The following POU6F2 variants were observed in gnomAD, a reference collection of about 807,000 sequenced individuals.
The protein encoded by POU6F2 is POU domain, class 6, transcription factor 2.
In POU6F2, 31 loss-of-function variants were observed where a neutral mutation model predicts 71.3. The observed-to-expected ratio is 0.43, with a 90% CI of 0.33 to 0.59. The LOEUF is 0.59. Among genes scored for constraint, POU6F2 ranks in the 20% least tolerant of loss-of-function variants. The probability of loss-of-function intolerance (pLI) is 0.04; values close to 1 mark genes in which losing one functional copy is unlikely to be tolerated. For synonymous variants in POU6F2, 347 were observed against 355.7 expected (o/e 0.98, Z 0.27); for missense variants, 783 against 856.8 (o/e 0.91, Z 1.07).
In POU6F2 at chr7:39,265,837, G is replaced by A. The variant is rs540156588; in HGVS notation, c.598+58217G>A. Reference sequence around the variant, plus strand: ...GTGATCTCCAGTGAATTAATAGAGCGGTGTGCAGACGACTCACTATGAGTC... The same window carrying A: ...GTGATCTCCAGTGAATTAATAGAGCAGTGTGCAGACGACTCACTATGAGTC... On this transcript the variant is annotated intron_variant, in intron 4 of 9. Transcript: ENST00000518318. 9.9e-5 allele frequency among the ~76,000 whole-genome samples: 15 copies of A among 152,256 alleles called. No homozygotes were observed. In the South Asian group the frequency reaches 1.7e-3, roughly 17 times the overall value.
chr7:39,361,387 G>C (rs1786385445), intron 5 of POU6F2, among the ~76,000 whole-genome samples: 1 of 152,304 alleles, frequency 6.6e-6, no homozygotes, highest in East Asian at 1.9e-4. Context: ...TTAACCTTCA[G>C]AAACACTAGA....
At chr7:39,098,467 G>C (rs536079794) in intron 2 of POU6F2, among the ~76,000 whole-genome samples, 19 of 130,464 alleles carry the variant, frequency 1.5e-4, no homozygotes, top group African/African-American at 5.7e-4. Context: ...TTGCAAGAGA[G>C]GGGGGGTCTC....
In POU6F2 at chr7:39,358,978, C is replaced by G. The variant is rs569507971; in HGVS notation, c.972+18963C>G. The stretch of plus-strand genomic sequence containing the variant: ...AAAAGTTAAAATGTCTTCTTGGCAG[C>G]ATGTTAAACACAGGCCAAAACCTTA... On this transcript the variant is annotated intron_variant, in intron 5 of 9. Transcript: ENST00000518318. Among the ~76,000 whole-genome samples the G allele has an allele frequency of 3.3e-5, 5 of 151,974 alleles. No homozygotes were observed. The South Asian group carries it at 1.0e-3, about 32-fold the overall frequency.
intron 4 of POU6F2, among the ~76,000 whole-genome samples, chr7:39,258,572 A>G (rs544752433): frequency 7.1e-4 from 108 of 152,268 alleles, no homozygotes; most frequent in African/African-American, 2.3e-3. Context: ...TGGTAACACA[A>G]TTGTTGGTTG....
At chr7:39,321,690 T>G (rs762928550) in intron 4 of POU6F2, among the ~76,000 whole-genome samples, 4 of 152,130 alleles carry the variant, frequency 2.6e-5, no homozygotes, top group Non-Finnish European at 5.9e-5. Flanking sequence ...CAGTTGAAGT[T>G]ATGTTTATAA....
intron 1 of POU6F2, among the ~76,000 whole-genome samples, chr7:39,057,496 G>T (rs909617576): frequency 1.3e-5 from 2 of 151,796 alleles, no homozygotes; most frequent in Non-Finnish European, 2.9e-5. Flanking sequence ...TTAAATCGTT[G>T]TATGTCTAGT....
rs113052544 is a variant in POU6F2, at chr7:39,333,255, T to C, written c.599-6387T>C. 7.9e-3 allele frequency among the ~76,000 whole-genome samples: 1,206 copies of C among 152,296 alleles called. 15 individuals carry two copies. Among genetic ancestry groups the C allele is most frequent in the Non-Finnish European group, 0.013 (898 of 68,018 alleles). The stretch of plus-strand genomic sequence containing the variant: ...AATATTAGGTCTCAGACTTAACCTG[T>C]CCTAAAACATTCCAGTAAGTGTGCC... On this transcript the variant is annotated intron_variant, in intron 4 of 9. Coordinates refer to ENST00000518318, the MANE Select transcript of POU6F2 (RefSeq NM_001370959.1).
At chr7:39,055,567 T>G (rs1790489000) in intron 1 of POU6F2, among the ~76,000 whole-genome samples, 1 of 152,178 alleles carries the variant, frequency 6.6e-6, no homozygotes, top group South Asian at 2.1e-4. Flanking sequence ...AGCTCTCCAA[T>G]TAGAAGCAAA....
At chr7:39,414,712 G>GCCC (rs3216235) in intron 6 of POU6F2, among the ~76,000 whole-genome samples, 4 of 112,372 alleles carry the variant, frequency 3.6e-5, no homozygotes, top group East Asian at 4.4e-4. Context: ...CTTCTACCCC[G>GCCC]CCCCCCCACC....
chr7:39,380,874 G>C (rs141135239), intron 5 of POU6F2, among the ~76,000 whole-genome samples: 1 of 151,966 alleles, frequency 6.6e-6, no homozygotes, highest in Non-Finnish European at 1.5e-5. Flanking sequence ...AATTCTACTC[G>C]TGCTCACCCA....
At chr7:39,079,946 T>C (rs1791082394) in intron 1 of POU6F2, among the ~76,000 whole-genome samples, 1 of 152,342 alleles carries the variant, frequency 6.6e-6, no homozygotes, top group South Asian at 2.1e-4. Context: ...ATAATTTTTG[T>C]TTGCAGCCCA....
chr7:39,121,836 C>T (rs1792048541), intron 2 of POU6F2, among the ~76,000 whole-genome samples: 1 of 152,112 alleles, frequency 6.6e-6, no homozygotes, highest in Admixed American at 6.6e-5. Context: ...GTAGCTGAGA[C>T]TAGAGGCATG....
intron 2 of POU6F2, among the ~76,000 whole-genome samples, chr7:39,180,850 T>G (rs1314097620): frequency 6.6e-6 from 1 of 152,168 alleles, no homozygotes; most frequent in Non-Finnish European, 1.5e-5. Flanking sequence ...CTTTTCCCTT[T>G]GCCTTCCAGA....
chr7:39,155,021 A>G (rs1266265966), intron 2 of POU6F2, among the ~76,000 whole-genome samples: 1 of 152,148 alleles, frequency 6.6e-6, no homozygotes, highest in Non-Finnish European at 1.5e-5. Flanking sequence ...CCCGGTACAC[A>G]GGTTCTCCCC....
chr7:38,995,891 T>G (rs1278900011), intron 1 of POU6F2, among the ~76,000 whole-genome samples: 1 of 152,250 alleles, frequency 6.6e-6, no homozygotes, highest in Non-Finnish European at 1.5e-5. Context: ...GCCACCCATT[T>G]ACTTCTTGTA....
chr7:38,996,239 C>T lies in POU6F2; in HGVS notation c.105+18181C>T, dbSNP rs571623498. ...TATTTTTAGTAAAGATGGGGTTTCACCATGTTGGCCAGGCTGGTCTCAAAC... is the reference window on the plus strand; with the variant it reads ...TATTTTTAGTAAAGATGGGGTTTCATCATGTTGGCCAGGCTGGTCTCAAAC... On this transcript the variant is annotated intron_variant, in intron 1 of 9. Transcript: ENST00000518318. 1.2e-3 allele frequency among the ~76,000 whole-genome samples: 177 copies of T among 151,974 alleles called. 1 individual carries two copies. The highest frequency in any genetic ancestry group is 2.0e-3 in the Admixed American group (31 of 15,248).
intron 6 of POU6F2, among the ~76,000 whole-genome samples, chr7:39,419,072 C>CACACATATATACGTATATGTGTATATAT (rs752502696): frequency 0.05 from 6,742 of 133,940 alleles, 315 homozygotes; most frequent in Non-Finnish European, 0.076. Context: ...CACATATATA[C>CACACATATATACGTATATGTGTATATAT]ACACATATAT....
intron 5 of POU6F2, among the ~76,000 whole-genome samples, chr7:39,385,343 T>C (rs972244052): frequency 5.9e-5 from 9 of 152,200 alleles, no homozygotes; most frequent in Non-Finnish European, 1.3e-4. Context: ...TAACAAGGCA[T>C]TGCGTTCAGC....
intron 2 of POU6F2, among the ~76,000 whole-genome samples, chr7:39,149,449 A>G (rs1404197977): frequency 1.3e-5 from 2 of 152,226 alleles, no homozygotes; most frequent in East Asian, 3.8e-4. Context: ...TGCGATACAT[A>G]AAGATAGTGA....
Sources: gnomAD v4.1 joint callset for allele counts (sites outside exome capture counted in the v4.1 genomes callset) on GRCh38, gnomAD v4.1.1 for gene constraint, MANE v1.5 for transcripts, NCBI Gene and HGNC (gene_info 2026-07-23, HGNC 2026-07-21) for gene names.